Variants in ZNF608 observed in about 807,000 individuals in gnomAD.
The protein encoded by ZNF608 is zinc finger protein 608.
In ZNF608, 12 loss-of-function variants were observed where a neutral mutation model predicts 109.0. That is an observed-to-expected ratio of 0.11 (90% CI 0.07 to 0.18). The LOEUF (loss-of-function observed/expected upper bound fraction) is 0.18. Ranked by LOEUF, ZNF608 falls within the 10% of genes least tolerant of loss-of-function variation. The pLI, the probability that ZNF608 is intolerant of heterozygous loss-of-function variation, is 1.00. For missense variants in ZNF608, 1,707 were observed against 1,879.3 expected (o/e 0.91, Z 1.70); for synonymous variants, 732 against 717.4 (o/e 1.02, Z -0.33).
In ZNF608 at chr5:124,745,186, G is replaced by GC. The variant is rs1204491787; in HGVS notation, c.-183-15_-183-14insG. On this transcript the variant is annotated splice_polypyrimidine_tract_variant and intron_variant, in intron 1 of 9. Coordinates refer to ENST00000513986, the MANE Select transcript of ZNF608 (RefSeq NM_020747.3). The stretch of plus-strand genomic sequence containing the variant: ...GTCCACCTTTTCCTGTGAAGGGGGG[G>GC]GGAAAAGTCGAATATTTCTTGTCTG... 7.1e-7 allele frequency: 1 copy of GC among 1,403,028 alleles called. No homozygotes were observed. Among genetic ancestry groups the GC allele is most frequent in the African/African-American group, 1.5e-5 (1 of 68,914 alleles). 86.9% of individuals were successfully genotyped at this position (1,403,028 alleles called of 1,614,324 possible).
intron 2 of ZNF608, among the ~76,000 whole-genome samples, chr5:124,723,305 C>G: frequency 6.6e-6 from 1 of 152,160 alleles, no homozygotes; most frequent in East Asian, 1.9e-4. Flanking sequence ...CGCGCCCTGC[C>G]TTATAGTCAG....
At chr5:124,743,619 G>A (rs1439875381) in intron 2 of ZNF608, among the ~76,000 whole-genome samples, 1 of 152,178 alleles carries the variant, frequency 6.6e-6, no homozygotes, top group Non-Finnish European at 1.5e-5. Flanking sequence ...TCCAGGGAGG[G>A]AACTTGAACC....
chr5:124,710,832 T>C (rs1286069475), intron 2 of ZNF608: 1 of 152,530 alleles, frequency 6.6e-6, no homozygotes, highest in Non-Finnish European at 1.5e-5. Context: ...TGACAAAGCT[T>C]CCCCATACAC....
intron 2 of ZNF608, among the ~76,000 whole-genome samples, chr5:124,739,715 G>A (rs527683498): frequency 7.7e-4 from 118 of 152,300 alleles, no homozygotes; most frequent in African/African-American, 2.8e-3. Context: ...TTTCTATGAA[G>A]TACCAGGTGA....
At chr5:124,656,393 A>G (rs895997933) in intron 3 of ZNF608, among the ~76,000 whole-genome samples, 1 of 152,178 alleles carries the variant, frequency 6.6e-6, no homozygotes, top group Non-Finnish European at 1.5e-5. Context: ...CGGCTGGAAT[A>G]TGTTGGCATC....
At position 124,717,989 on chromosome 5, in the gene ZNF608, G is replaced by A. The variant is rs542401957; in HGVS notation, c.907-16720C>T. On this transcript the variant is annotated intron_variant, in intron 2 of 9. Transcript: ENST00000513986. ...CTATAAAGCAGAATCACACCTTGAC[G>A]CAGGGGCTCAACACATAACATGGCT... Among the ~76,000 whole-genome samples the A allele has an allele frequency of 2.0e-5, 3 of 152,216 alleles. No homozygotes were observed. The East Asian group carries it at 5.8e-4, about 29-fold the overall frequency.
chr5:124,651,352 A>C (rs1000086213), intron 3 of ZNF608, among the ~76,000 whole-genome samples: 1 of 152,196 alleles, frequency 6.6e-6, no homozygotes, highest in Non-Finnish European at 1.5e-5. Flanking sequence ...AAAGGGGAAG[A>C]CTGAGCTGGT....
Position 124,744,213 on chromosome 5 carries a change from G to A in ZNF608, c.777C>T (p.Ser259=), listed in dbSNP as rs756342089. 1 of 1,613,650 alleles carries A rather than the reference G, an allele frequency of 6.2e-7. No homozygotes were observed. Among genetic ancestry groups the A allele is most frequent in the Admixed American group, 1.7e-5 (1 of 60,022 alleles). ...TGCTAACTTCCCCTGCAGCGGCGAC[G>A]CTGCCACTCCCAGTGCCCCCGCAGT... ...PFHCGGTGSG[S]VAAAGEVSKS... Residue 259 remains serine (S), a synonymous_variant, in exon 2 of 10, where the codon AGC becomes AGT. Coordinates refer to ENST00000513986, the MANE Select transcript of ZNF608 (RefSeq NM_020747.3). The surrounding 1 kb of genome is among the most constrained non-coding windows in gnomAD (Gnocchi z 4.5).
intron 3 of ZNF608, among the ~76,000 whole-genome samples, chr5:124,685,533 A>G (rs552721185): frequency 4.0e-5 from 6 of 151,502 alleles, no homozygotes; most frequent in Admixed American, 2.0e-4. Flanking sequence ...CCACTGGTAG[A>G]GTATCTGCAT....
chr5:124,748,505 T>C, upstream of ZNF608: 3 of 983,982 alleles, frequency 3.0e-6, no homozygotes, highest in Non-Finnish European at 3.6e-6. Context: ...AAGTGCTATA[T>C]AGAGACACAC....
chr5:124,747,607 C>T (rs1749684266), upstream of ZNF608, among the ~76,000 whole-genome samples: 1 of 151,398 alleles, frequency 6.6e-6, no homozygotes, highest in Non-Finnish European at 1.5e-5. Context: ...CTCTCCCCTC[C>T]CCCTGCACAC....
At chr5:124,649,209 G>A (rs1004622581) in intron 4 of ZNF608, 76 bp from the exon 5 acceptor site, 1 of 1,250,222 alleles carries the variant, frequency 8.0e-7, no homozygotes, top group Non-Finnish European at 1.1e-6. Context: ...ACACAATGCA[G>A]TAAAGAGGAG....
At chr5:124,650,056 G>A (rs1273345005) in intron 3 of ZNF608, among the ~76,000 whole-genome samples, 3 of 152,216 alleles carry the variant, frequency 2.0e-5, no homozygotes. Context: ...GCTTTCGTTT[G>A]GCAAGCAGCC....
At chr5:124,674,912 C>T (rs1313028671) in intron 3 of ZNF608, among the ~76,000 whole-genome samples, 1 of 152,092 alleles carries the variant, frequency 6.6e-6, no homozygotes, top group African/African-American at 2.4e-5. Context: ...CACACCCAGC[C>T]CTAAAATGAC....
intron 3 of ZNF608, among the ~76,000 whole-genome samples, chr5:124,650,287 C>T (rs1016032424): frequency 6.6e-6 from 1 of 152,210 alleles, no homozygotes; most frequent in African/African-American, 2.4e-5. Flanking sequence ...CCCTCTTTGA[C>T]TTTGTGAGAC....
At chr5:124,713,507 A>T (rs6876493) in intron 2 of ZNF608, among the ~76,000 whole-genome samples, 27,774 of 152,256 alleles carry the variant, frequency 0.18, 2,767 homozygotes, top group Admixed American at 0.27. Context: ...AGAATTTCAT[A>T]CTTCTCATCA....
intron 3 of ZNF608, among the ~76,000 whole-genome samples, chr5:124,684,714 T>C (rs1580618191): frequency 6.6e-6 from 1 of 152,308 alleles, no homozygotes; most frequent in Non-Finnish European, 1.5e-5. Flanking sequence ...GTTTTCCTTT[T>C]CCTTTTAACT....
chr5:124,671,443 C>T (rs756846017), intron 3 of ZNF608, among the ~76,000 whole-genome samples: 1 of 152,140 alleles, frequency 6.6e-6, no homozygotes, highest in South Asian at 2.1e-4. Flanking sequence ...CATTAAGTTT[C>T]TAATAACTAC....
At chr5:124,739,558 T>C (rs1352941840) in intron 2 of ZNF608, among the ~76,000 whole-genome samples, 1 of 152,220 alleles carries the variant, frequency 6.6e-6, no homozygotes, top group African/African-American at 2.4e-5. Context: ...TGACCGCTCA[T>C]TGTGATTGCC....
Sources: gnomAD v4.1 joint callset for allele counts (sites outside exome capture counted in the v4.1 genomes callset) on GRCh38, gnomAD v4.1.1 for gene constraint, Gnocchi (gnomAD v3.1) non-coding constraint, MANE v1.5 for transcripts, NCBI Gene and HGNC (gene_info 2026-07-23, HGNC 2026-07-21) for gene names.